PLXDC2: variants seen among roughly 807,000 people sequenced by gnomAD.
PLXDC2 encodes the protein plexin domain-containing protein 2.
PLXDC2 carries 40 observed loss-of-function variants against 68.9 expected under a neutral mutation model. The observed-to-expected ratio is 0.58, with a 90% CI of 0.45 to 0.76. The LOEUF is 0.76. Among genes scored for constraint, PLXDC2 ranks in the 30% least tolerant of loss-of-function variants. The pLI is 0.00. For missense variants in PLXDC2, 644 were observed against 661.9 expected (o/e 0.97, Z 0.30); for synonymous variants, 243 against 234.2 (o/e 1.04, Z -0.34).
intron 12 of PLXDC2, among the ~76,000 whole-genome samples, chr10:20,229,988 G>A (rs116639624): frequency 0.015 from 2,298 of 152,136 alleles, 51 homozygotes; most frequent in African/African-American, 0.049. Context: ...GGAATTCTAA[G>A]AAATATTTGT....
chr10:20,136,981 T>A (rs1833942776), intron 4 of PLXDC2, among the ~76,000 whole-genome samples: 1 of 152,168 alleles, frequency 6.6e-6, no homozygotes. Context: ...GCTTGTTGCA[T>A]CAGAATGTAA....
chr10:19,821,735 C>T (rs186066341), intron 1 of PLXDC2, among the ~76,000 whole-genome samples: 2 of 152,262 alleles, frequency 1.3e-5, no homozygotes, highest in Admixed American at 6.5e-5. Flanking sequence ...AAATTTAAAA[C>T]GAACTTTGGA....
intron 1 of PLXDC2, among the ~76,000 whole-genome samples, chr10:19,839,805 C>A (rs1456901428): frequency 6.6e-6 from 1 of 152,092 alleles, no homozygotes; most frequent in Non-Finnish European, 1.5e-5. Context: ...GGGCATACAT[C>A]CATTTACTTT....
chr10:20,070,046 T>A (rs891675922), intron 4 of PLXDC2, among the ~76,000 whole-genome samples: 3 of 152,086 alleles, frequency 2.0e-5, no homozygotes, highest in African/African-American at 7.2e-5. Flanking sequence ...CCTGAGTAAA[T>A]ATACAGATGA....
chr10:20,031,542 T>A (rs1291511716), intron 2 of PLXDC2, among the ~76,000 whole-genome samples: 3 of 152,174 alleles, frequency 2.0e-5, no homozygotes, highest in Admixed American at 2.0e-4. Context: ...AGTCTACTGC[T>A]AAGTAACAAA....
rs373113286 is a variant in PLXDC2, at chr10:19,930,886, C to T, written c.113-70889C>T. On this transcript the variant is annotated intron_variant, in intron 1 of 13. Transcript: ENST00000377252. Reference sequence around the variant, plus strand: ...GCTGGAGACATGAGAATCACTTGAACCCAGAAGGCAGAGGTTGCAGTGAAC... The same window carrying T: ...GCTGGAGACATGAGAATCACTTGAATCCAGAAGGCAGAGGTTGCAGTGAAC... Among the ~76,000 whole-genome samples, 16 of 152,114 alleles carry T rather than the reference C, an allele frequency of 1.1e-4. No homozygotes were observed. In the East Asian group the frequency reaches 2.5e-3, roughly 24 times the overall value.
intron 2 of PLXDC2, among the ~76,000 whole-genome samples, chr10:20,011,831 C>G (rs1334453879): frequency 2.0e-5 from 3 of 152,196 alleles, no homozygotes; most frequent in Admixed American, 2.0e-4. Context: ...TGAATCTACT[C>G]TGTCCGTGAA....
chr10:19,824,923 C>T (rs184308953), intron 1 of PLXDC2, among the ~76,000 whole-genome samples: 5 of 152,066 alleles, frequency 3.3e-5, no homozygotes, highest in Non-Finnish European at 5.9e-5. Flanking sequence ...TTGGAATTAG[C>T]CTGTTAAGGA....
chr10:20,229,165 T>C (rs1002257965), intron 12 of PLXDC2, among the ~76,000 whole-genome samples: 10 of 152,038 alleles, frequency 6.6e-5, no homozygotes, highest in Non-Finnish European at 1.5e-4. Context: ...TCCACAAGCA[T>C]GGGTGGAGCC....
intron 4 of PLXDC2, among the ~76,000 whole-genome samples, chr10:20,140,890 A>T (rs1283419493): frequency 4.0e-5 from 6 of 151,752 alleles, no homozygotes; most frequent in African/African-American, 1.5e-4. Context: ...TTTCATGTTA[A>T]GTCTTCGTGG....
intron 1 of PLXDC2, among the ~76,000 whole-genome samples, chr10:19,916,579 A>AT (rs1313650173): frequency 1.7e-4 from 26 of 152,280 alleles, no homozygotes; most frequent in Admixed American, 1.4e-3. Context: ...ATGCTAAGCT[A>AT]TGTACTATAT....
chr10:20,241,401 G>T (rs1835514359), intron 12 of PLXDC2, among the ~76,000 whole-genome samples: 1 of 152,148 alleles, frequency 6.6e-6, no homozygotes, highest in South Asian at 2.1e-4. Context: ...TCCTTAGCAA[G>T]TTCTGGTCCT....
At chr10:20,132,158 A>G (rs1833876053) in intron 4 of PLXDC2, among the ~76,000 whole-genome samples, 1 of 152,068 alleles carries the variant, frequency 6.6e-6, no homozygotes, top group Non-Finnish European at 1.5e-5. Flanking sequence ...AATGCTTCCA[A>G]TTTTCCTCCT....
chr10:20,036,368 A>G (rs552735804), intron 2 of PLXDC2, among the ~76,000 whole-genome samples: 25 of 152,328 alleles, frequency 1.6e-4, no homozygotes, highest in Admixed American at 1.6e-3. Context: ...TTTACAAGCC[A>G]GGAGGAGAGC....
intron 6 of PLXDC2, among the ~76,000 whole-genome samples, chr10:20,158,786 A>G (rs770186725): frequency 3.3e-5 from 5 of 152,154 alleles, no homozygotes; most frequent in Non-Finnish European, 7.4e-5. Context: ...GACTGGTCTC[A>G]TGATAGGAAA....
chr10:19,884,254 ATCTCT>A (rs1215609498), intron 1 of PLXDC2, among the ~76,000 whole-genome samples: 2 of 152,096 alleles, frequency 1.3e-5, no homozygotes, highest in African/African-American at 4.8e-5. Flanking sequence ...TGTGAGTTAT[ATCTCT>A]TGATATTTGC....
chr10:20,135,236 G>A lies in PLXDC2; in HGVS notation c.542-8059G>A, dbSNP rs540742105. Among the ~76,000 whole-genome samples, 32 of 152,292 alleles carry A rather than the reference G, an allele frequency of 2.1e-4. 1 individual carries two copies. In the South Asian group the frequency reaches 6.4e-3, roughly 31 times the overall value. On this transcript the variant is annotated intron_variant, in intron 4 of 13. Coordinates refer to ENST00000377252, the MANE Select transcript of PLXDC2 (RefSeq NM_032812.9). ...TATTACTTGGTTCTATTTTGATAGA[G>A]GAAATAAACTTGATGGCCAGTTCAA...
At chr10:20,017,404 A>G (rs143870168) in intron 2 of PLXDC2, among the ~76,000 whole-genome samples, 10 of 152,014 alleles carry the variant, frequency 6.6e-5, no homozygotes, top group East Asian at 1.9e-4. Context: ...CCATCTCTCA[A>G]CCTCCTCAGG....
intron 1 of PLXDC2, among the ~76,000 whole-genome samples, chr10:19,888,027 C>T (rs375376972): frequency 3.3e-5 from 5 of 152,148 alleles, no homozygotes; most frequent in Admixed American, 2.0e-4. Context: ...TGGAGGAACA[C>T]GCCTATCACT....
Sources: allele counts gnomAD v4.1 joint callset (sites outside exome capture counted in the v4.1 genomes callset), GRCh38; gene constraint gnomAD v4.1.1; transcripts MANE v1.5; gene names NCBI Gene and HGNC (gene_info 2026-07-23, HGNC 2026-07-21).